Variants in ROBO1 observed in about 807,000 individuals in gnomAD.
The protein encoded by ROBO1 is roundabout guidance receptor 1.
In ROBO1, 149 loss-of-function variants were observed where a neutral mutation model predicts 195.9. The ratio of observed to expected loss-of-function variants is 0.76; its 90% CI spans 0.67 to 0.87. ROBO1 has a LOEUF of 0.87. Among genes scored for constraint, ROBO1 ranks in the 40% least tolerant of loss-of-function variants. The pLI is 0.00. For synonymous variants in ROBO1, 816 were observed against 733.2 expected (o/e 1.11, Z -1.82); for missense variants, 1,933 against 2,068.3 (o/e 0.93, Z 1.27).
At chr3:78,861,301 T>A (rs1205475236) in intron 4 of ROBO1, among the ~76,000 whole-genome samples, 1 of 152,158 alleles carries the variant, frequency 6.6e-6, no homozygotes, top group Admixed American at 6.5e-5. Context: ...CAATTCAACA[T>A]CCTGAACGTG....
chr3:79,353,229 T>G (rs2035413234), intron 2 of ROBO1, among the ~76,000 whole-genome samples: 1 of 152,176 alleles, frequency 6.6e-6, no homozygotes. Flanking sequence ...TGTATTGTTC[T>G]GAGTCATTGA....
intron 1 of ROBO1, among the ~76,000 whole-genome samples, chr3:79,632,381 A>C (rs1945371276): frequency 6.6e-6 from 1 of 152,148 alleles, no homozygotes; most frequent in Admixed American, 6.5e-5. Flanking sequence ...TCAAGTAGTA[A>C]ATCAAATACC....
chr3:79,533,360 A>T (rs1414573132), intron 2 of ROBO1, among the ~76,000 whole-genome samples: 3 of 152,222 alleles, frequency 2.0e-5, no homozygotes, highest in Non-Finnish European at 4.4e-5. Flanking sequence ...CAGAACTTCT[A>T]AATCAATATG....
intron 2 of ROBO1, among the ~76,000 whole-genome samples, chr3:79,290,517 T>C (rs752779101): frequency 6.6e-6 from 1 of 152,162 alleles, no homozygotes; most frequent in Admixed American, 6.5e-5. Context: ...TACTTGTTTA[T>C]TCTGGAAGCT....
chr3:79,510,005 A>G (rs80241794), intron 2 of ROBO1, among the ~76,000 whole-genome samples: 1 of 150,060 alleles, frequency 6.7e-6, no homozygotes, highest in Admixed American at 6.6e-5. Flanking sequence ...TATAATCACA[A>G]AAAAAAAACC....
intron 4 of ROBO1, among the ~76,000 whole-genome samples, chr3:78,892,613 AT>A (rs992456773): frequency 4.3e-4 from 65 of 152,286 alleles, no homozygotes; most frequent in African/African-American, 1.5e-3. Context: ...CATCATCACC[AT>A]TCAGAGTTCC....
intron 3 of ROBO1, among the ~76,000 whole-genome samples, chr3:78,982,472 C>T (rs1462431807): frequency 2.6e-5 from 4 of 152,138 alleles, no homozygotes; most frequent in African/African-American, 9.7e-5. Context: ...TATAAACAAA[C>T]ACACATACAT....
intron 2 of ROBO1, among the ~76,000 whole-genome samples, chr3:79,514,598 CT>C (rs1940863368): frequency 6.6e-6 from 1 of 152,082 alleles, no homozygotes; most frequent in Non-Finnish European, 1.5e-5. Flanking sequence ...TTTTTAATCC[CT>C]TTTGGAAAGT....
chr3:79,584,305 C>T (rs1256026799), intron 2 of ROBO1, among the ~76,000 whole-genome samples: 1 of 146,476 alleles, frequency 6.8e-6, no homozygotes, highest in Non-Finnish European at 1.5e-5. Context: ...TATGCTGTTA[C>T]CTGGACAGAT....
chr3:79,575,262 T>C (rs1436649677), intron 2 of ROBO1, among the ~76,000 whole-genome samples: 2 of 126,372 alleles, frequency 1.6e-5, no homozygotes, highest in African/African-American at 6.1e-5. Flanking sequence ...TATATATAAA[T>C]ATATATAACA....
intron 4 of ROBO1, among the ~76,000 whole-genome samples, chr3:78,870,185 C>T (rs1318405554): frequency 6.6e-6 from 1 of 152,150 alleles, no homozygotes. Flanking sequence ...CTGTATACCA[C>T]CTTTGTCTCT....
chr3:79,573,586 T>A (rs989842290), intron 2 of ROBO1, among the ~76,000 whole-genome samples: 1 of 152,198 alleles, frequency 6.6e-6, no homozygotes, highest in African/African-American at 2.4e-5. Context: ...AATATTCATA[T>A]GGGACAATTC....
intron 2 of ROBO1, among the ~76,000 whole-genome samples, chr3:79,409,479 T>C (rs2037681258): frequency 6.6e-6 from 1 of 152,120 alleles, no homozygotes. Context: ...ATTTCACAAG[T>C]TCCCCCAAAA....
chr3:78,810,389 A>G (rs1316445430), intron 4 of ROBO1, among the ~76,000 whole-genome samples: 1 of 152,174 alleles, frequency 6.6e-6, no homozygotes, highest in Non-Finnish European at 1.5e-5. Context: ...TGCTGTATGC[A>G]TGGGAAAGTG....
intron 2 of ROBO1, among the ~76,000 whole-genome samples, chr3:79,351,706 T>G (rs1409690682): frequency 6.6e-6 from 1 of 152,202 alleles, no homozygotes; most frequent in Non-Finnish European, 1.5e-5. Flanking sequence ...TGCCTTTTTT[T>G]TATTTTAATG....
intron 2 of ROBO1, among the ~76,000 whole-genome samples, chr3:79,523,192 CACAA>C (rs1251623499): frequency 7.1e-6 from 1 of 141,646 alleles, no homozygotes. Context: ...CACACACACA[CACAA>C]ATTAGTACAT....
At chr3:79,649,998 A>T (rs1945954587) in intron 1 of ROBO1, among the ~76,000 whole-genome samples, 1 of 152,104 alleles carries the variant, frequency 6.6e-6, no homozygotes, top group African/African-American at 2.4e-5. Context: ...TTATTGACAA[A>T]AATTTCTATA....
chr3:79,636,974 G>C (rs1576158140), intron 1 of ROBO1, among the ~76,000 whole-genome samples: 2 of 152,296 alleles, frequency 1.3e-5, no homozygotes, highest in East Asian at 3.9e-4. Context: ...TAGAAAAAGA[G>C]AGCTGGCTTT....
intron 2 of ROBO1, among the ~76,000 whole-genome samples, chr3:79,167,558 C>T (rs917509747): frequency 3.9e-5 from 6 of 152,170 alleles, no homozygotes; most frequent in Non-Finnish European, 7.4e-5. Flanking sequence ...TAAGAGGGCA[C>T]TTTCCTTTTT....
Sources: allele counts gnomAD v4.1 joint callset (sites outside exome capture counted in the v4.1 genomes callset), GRCh38; gene constraint gnomAD v4.1.1; transcripts MANE v1.5; gene names NCBI Gene and HGNC (gene_info 2026-07-23, HGNC 2026-07-21).